Variants in CCDC138 observed in about 807,000 individuals in gnomAD.
CCDC138 encodes the protein coiled-coil domain containing 138.
Under a neutral mutation model 82.3 loss-of-function variants are expected in CCDC138, and 66 were observed. The ratio of observed to expected loss-of-function variants is 0.80; its 90% CI spans 0.66 to 0.98. CCDC138 has a LOEUF of 0.98. Ranked by LOEUF, CCDC138 falls within the 50% of genes least tolerant of loss-of-function variation. The probability of loss-of-function intolerance (pLI) is 0.00; values close to 1 mark genes in which losing one functional copy is unlikely to be tolerated. For synonymous variants in CCDC138, 297 were observed against 265.4 expected (o/e 1.12, Z -1.16); for missense variants, 816 against 758.9 (o/e 1.08, Z -0.88).
chr2:108,792,398 A>G (rs1385910277), intron 4 of CCDC138, among the ~76,000 whole-genome samples: 1 of 152,200 alleles, frequency 6.6e-6, no homozygotes, highest in Admixed American at 6.5e-5. Context: ...TTCCTGCTAT[A>G]TGGTCGATTT....
At chr2:108,867,635 G>C (rs1694621387) in intron 13 of CCDC138, among the ~76,000 whole-genome samples, 1 of 151,690 alleles carries the variant, frequency 6.6e-6, no homozygotes, top group African/African-American at 2.4e-5. Flanking sequence ...GGGTGGACTT[G>C]AAAAAAAATA....
intron 10 of CCDC138, among the ~76,000 whole-genome samples, chr2:108,816,991 C>A (rs956604421): frequency 6.6e-6 from 1 of 152,190 alleles, no homozygotes; most frequent in East Asian, 1.9e-4. Context: ...GCCACTGTGC[C>A]CAGACCCAGT....
intron 5 of CCDC138, among the ~76,000 whole-genome samples, chr2:108,795,567 T>C (rs943543213): frequency 2.0e-5 from 3 of 152,190 alleles, no homozygotes; most frequent in Non-Finnish European, 4.4e-5. Flanking sequence ...ACACATGAAA[T>C]AGTTAAGCAT....
At chr2:108,822,625 A>G (rs1685904664) in intron 10 of CCDC138, among the ~76,000 whole-genome samples, 2 of 152,236 alleles carry the variant, frequency 1.3e-5, no homozygotes, top group South Asian at 4.1e-4. Flanking sequence ...AATGAAGTGA[A>G]ACCTCAAACC....
chr2:108,857,756 G>C (rs11681025), intron 13 of CCDC138, among the ~76,000 whole-genome samples: 107,392 of 152,108 alleles, frequency 0.71, 41,335 homozygotes, highest in East Asian at 0.9. Flanking sequence ...TGAACTGAGG[G>C]ATCCAGTATT....
intron 10 of CCDC138, among the ~76,000 whole-genome samples, chr2:108,818,415 C>T (rs1685136624): frequency 6.6e-6 from 1 of 152,170 alleles, no homozygotes; most frequent in Non-Finnish European, 1.5e-5. Flanking sequence ...ATTTTAACAT[C>T]TGTAAATAAA....
At chr2:108,841,473 G>A (rs1370138865) in intron 11 of CCDC138, among the ~76,000 whole-genome samples, 2 of 151,986 alleles carry the variant, frequency 1.3e-5, no homozygotes, top group African/African-American at 4.8e-5. Flanking sequence ...TGGTGGATTT[G>A]CCCTTTTTAT....
chr2:108,822,522 A>C (rs935414577), intron 10 of CCDC138, among the ~76,000 whole-genome samples: 1 of 152,224 alleles, frequency 6.6e-6, no homozygotes, highest in Non-Finnish European at 1.5e-5. Flanking sequence ...TCAAGTGTAC[A>C]TGGAACATCC....
chr2:108,814,905 G>T, intron 9 of CCDC138, among the ~76,000 whole-genome samples: 1 of 151,374 alleles, frequency 6.6e-6, no homozygotes. Context: ...CAAAGTGCTG[G>T]GATTATAGGC....
At chr2:108,856,315 G>C (rs1692593125) in intron 12 of CCDC138, among the ~76,000 whole-genome samples, 1 of 151,962 alleles carries the variant, frequency 6.6e-6, no homozygotes, top group African/African-American at 2.4e-5. Context: ...TCTTGTTTCA[G>C]CTTTACTAGG....
chr2:108,788,732 A>G lies in CCDC138; in HGVS notation c.152-120A>G, dbSNP rs78993673. ...GAGACTCCGTCTCAAAGAAAAAAAA[A>G]GAAAAAAAAATTTGAGAGAGAAGAT... On this transcript the variant is annotated intron_variant, in intron 2 of 14. Coordinates refer to ENST00000295124, the MANE Select transcript of CCDC138 (RefSeq NM_144978.3). 1.0e-3 allele frequency: 1,406 copies of G among 1,402,884 alleles called. 2 individuals carry two copies. The highest frequency in any genetic ancestry group is 1.2e-3 in the Non-Finnish European group (1,287 of 1,055,796). 86.9% of individuals were successfully genotyped at this position (1,402,884 alleles called of 1,614,324 possible).
chr2:108,851,726 C>T (rs938822750), intron 12 of CCDC138, among the ~76,000 whole-genome samples: 2 of 152,138 alleles, frequency 1.3e-5, no homozygotes. Context: ...AGATTAGAGT[C>T]CTGGCTTGGG....
At chr2:108,843,886 C>CTTTTTTTTTTTTT (rs57196170) in intron 11 of CCDC138, among the ~76,000 whole-genome samples, 2 of 94,018 alleles carry the variant, frequency 2.1e-5, no homozygotes, top group Non-Finnish European at 1.9e-5. Context: ...GTGTTTCTTT[C>CTTTTTTTTTTTTT]TTTTTTTTTT....
intron 10 of CCDC138, among the ~76,000 whole-genome samples, chr2:108,827,437 G>GCT (rs1310897537): frequency 1.3e-5 from 2 of 152,146 alleles, no homozygotes; most frequent in Non-Finnish European, 2.9e-5. Flanking sequence ...AACTTAATTG[G>GCT]ATAATCAAGG....
intron 11 of CCDC138, 164 bp from the exon 12 acceptor site, chr2:108,846,574 G>A (rs1690516311): frequency 6.1e-6 from 1 of 164,082 alleles, no homozygotes; most frequent in Non-Finnish European, 1.3e-5. Flanking sequence ...CTTCTTGGGA[G>A]GCTGAGGTAG....
chr2:108,851,177 G>A (rs924046018), intron 12 of CCDC138, among the ~76,000 whole-genome samples: 1 of 152,202 alleles, frequency 6.6e-6, no homozygotes, highest in Non-Finnish European at 1.5e-5. Context: ...ACAGAGCAAG[G>A]TATAGGGGAA....
intron 13 of CCDC138, among the ~76,000 whole-genome samples, chr2:108,864,028 G>A (rs1242024735): frequency 6.6e-6 from 1 of 152,058 alleles, no homozygotes; most frequent in Non-Finnish European, 1.5e-5. Flanking sequence ...TGAAAGGCTG[G>A]TCTTTCTCAT....
intron 1 of CCDC138, 70 bp from the exon 2 acceptor site, chr2:108,787,962 G>A (rs984704722): frequency 2.4e-6 from 3 of 1,246,350 alleles, no homozygotes; most frequent in Admixed American, 2.6e-5. Flanking sequence ...TACATAATTT[G>A]TGGGGAAATA....
At chr2:108,822,350 A>G (rs1325980789) in intron 10 of CCDC138, among the ~76,000 whole-genome samples, 3 of 152,226 alleles carry the variant, frequency 2.0e-5, no homozygotes, top group East Asian at 3.8e-4. Context: ...ACATAATACT[A>G]CTAGGAAACT....
Sources: allele counts gnomAD v4.1 joint callset (sites outside exome capture counted in the v4.1 genomes callset), GRCh38; gene constraint gnomAD v4.1.1; transcripts MANE v1.5; gene names NCBI Gene and HGNC (gene_info 2026-07-23, HGNC 2026-07-21).